The following GRIK3 variants were observed in gnomAD, a reference collection of about 807,000 sequenced individuals.
The protein encoded by GRIK3 is glutamate receptor ionotropic, kainate 3.
A neutral mutation model predicts 102.5 loss-of-function variants in GRIK3; 29 were observed. That is an observed-to-expected ratio of 0.28 (90% CI 0.21 to 0.39). The LOEUF is 0.39. Ranked by LOEUF, GRIK3 falls within the 10% of genes least tolerant of loss-of-function variation. The pLI, the probability that GRIK3 is intolerant of heterozygous loss-of-function variation, is 1.00. For missense variants in GRIK3, 908 were observed against 1,252.4 expected (o/e 0.73, Z 4.15); for synonymous variants, 511 against 504.9 (o/e 1.01, Z -0.16).
intron 15 of GRIK3, among the ~76,000 whole-genome samples, 194 bp from the exon 16 acceptor site, chr1:36,802,239 T>C (rs1318765533): frequency 6.6e-6 from 1 of 152,196 alleles, no homozygotes; most frequent in Non-Finnish European, 1.5e-5. Context: ...AACCTGACAT[T>C]CTTGTTTGGA....
chr1:36,949,801 A>T (rs2124333870), intron 1 of GRIK3, among the ~76,000 whole-genome samples: 1 of 151,946 alleles, frequency 6.6e-6, no homozygotes, highest in Non-Finnish European at 1.5e-5. Context: ...ATGGTTTCGA[A>T]CTTCTGACCT....
intron 1 of GRIK3, among the ~76,000 whole-genome samples, chr1:36,906,785 G>C (rs1171586943): frequency 6.6e-6 from 1 of 152,188 alleles, no homozygotes; most frequent in Non-Finnish European, 1.5e-5. Context: ...GATGTTTCAT[G>C]GGTACAAATA....
chr1:37,016,868 G>T (rs542252127), intron 1 of GRIK3, among the ~76,000 whole-genome samples: 3 of 152,226 alleles, frequency 2.0e-5, no homozygotes, highest in Non-Finnish European at 4.4e-5. Flanking sequence ...TTTAGAAAGA[G>T]AATTTCTTGA....
At chr1:36,807,429 C>T (rs993167343) in intron 13 of GRIK3, among the ~76,000 whole-genome samples, 6 of 152,148 alleles carry the variant, frequency 3.9e-5, no homozygotes, top group South Asian at 2.1e-4. Flanking sequence ...CCACTGAGCC[C>T]GGCTGGTTCC....
At chr1:36,932,898 C>A (rs1005649027) in intron 1 of GRIK3, among the ~76,000 whole-genome samples, 1 of 152,044 alleles carries the variant, frequency 6.6e-6, no homozygotes, top group Non-Finnish European at 1.5e-5. Context: ...TTCAAATGCA[C>A]GTACTGGAAT....
intron 1 of GRIK3, among the ~76,000 whole-genome samples, chr1:36,921,829 G>T (rs1339247542): frequency 6.6e-6 from 1 of 152,094 alleles, no homozygotes; most frequent in Non-Finnish European, 1.5e-5. Context: ...ACCTGGCCCT[G>T]CTTTGTCCTG....
intron 1 of GRIK3, among the ~76,000 whole-genome samples, chr1:36,964,406 G>A (rs1028370630): frequency 7.9e-5 from 12 of 152,188 alleles, no homozygotes; most frequent in South Asian, 2.1e-4. Flanking sequence ...CTCAGGGGTG[G>A]CCTCCACACA....
chr1:36,895,010 CCTAG>C (rs1210457481), intron 1 of GRIK3, among the ~76,000 whole-genome samples: 1 of 152,142 alleles, frequency 6.6e-6, no homozygotes, highest in Non-Finnish European at 1.5e-5. Flanking sequence ...TCCAGCCCAC[CCTAG>C]CCATCCTATC....
At chr1:36,988,072 C>T (rs1642325124) in intron 1 of GRIK3, among the ~76,000 whole-genome samples, 1 of 152,080 alleles carries the variant, frequency 6.6e-6, no homozygotes, top group South Asian at 2.1e-4. Flanking sequence ...GGGTGGATCA[C>T]TTGAGGTCAG....
At chr1:36,848,707 A>G (rs1207574554) in intron 9 of GRIK3, among the ~76,000 whole-genome samples, 2 of 147,966 alleles carry the variant, frequency 1.4e-5, no homozygotes, top group Non-Finnish European at 3.0e-5. Context: ...TATCCCTTTA[A>G]TTGCCCATTA....
At chr1:36,841,513 A>G (rs919869465) in intron 10 of GRIK3, among the ~76,000 whole-genome samples, 2 of 152,204 alleles carry the variant, frequency 1.3e-5, no homozygotes, top group Admixed American at 6.5e-5. Flanking sequence ...CTGTGTGTGT[A>G]CGGAGGAGAA....
intron 1 of GRIK3, among the ~76,000 whole-genome samples, chr1:36,961,093 C>T (rs746288147): frequency 4.6e-5 from 7 of 152,228 alleles, no homozygotes; most frequent in Non-Finnish European, 7.3e-5. Flanking sequence ...GTCCCTGTTT[C>T]GCTGGTTTCT....
chr1:36,968,061 T>C (rs1362866188), intron 1 of GRIK3, among the ~76,000 whole-genome samples: 1 of 152,124 alleles, frequency 6.6e-6, no homozygotes, highest in African/African-American at 2.4e-5. Context: ...TGGGGTTCTG[T>C]GATGGTGGCA....
chr1:36,961,176 C>T (rs554765812), intron 1 of GRIK3, among the ~76,000 whole-genome samples: 43 of 152,370 alleles, frequency 2.8e-4, no homozygotes, highest in Admixed American at 8.5e-4. Flanking sequence ...CGTGCACACA[C>T]GTGCCCACCT....
chr1:36,804,271 C>T (rs1314737060), intron 15 of GRIK3, among the ~76,000 whole-genome samples: 3 of 152,232 alleles, frequency 2.0e-5, no homozygotes, highest in Admixed American at 6.5e-5. Flanking sequence ...CCCAGCCCAG[C>T]GGCCCTCATC....
chr1:36,974,807 A>AAAC (rs1183775887), intron 1 of GRIK3, among the ~76,000 whole-genome samples: 2 of 152,014 alleles, frequency 1.3e-5, no homozygotes, highest in East Asian at 1.9e-4. Context: ...CTCAAAAAAA[A>AAAC]AAAAACAAAA....
At chr1:36,810,759 T>A (rs956509532) in intron 13 of GRIK3, among the ~76,000 whole-genome samples, 5 of 152,226 alleles carry the variant, frequency 3.3e-5, no homozygotes, top group Admixed American at 6.5e-5. Context: ...GATCCATGGA[T>A]TTGAGCAGTT....
At chr1:37,005,295 A>C (rs1342470071) in intron 1 of GRIK3, among the ~76,000 whole-genome samples, 1 of 151,996 alleles carries the variant, frequency 6.6e-6, no homozygotes, top group African/African-American at 2.4e-5. Context: ...CTCTGTCCCC[A>C]CCTTGCAGCC....
intron 1 of GRIK3, among the ~76,000 whole-genome samples, chr1:36,977,620 G>A (rs1392337200): frequency 6.6e-6 from 1 of 152,178 alleles, no homozygotes; most frequent in Non-Finnish European, 1.5e-5. Flanking sequence ...TAGGGGAGGG[G>A]GCTGGAGAGA....
Sources: allele counts gnomAD v4.1 joint callset (sites outside exome capture counted in the v4.1 genomes callset), GRCh38; gene constraint gnomAD v4.1.1; transcripts MANE v1.5; gene names NCBI Gene and HGNC (gene_info 2026-07-23, HGNC 2026-07-21).